ADAM23: variants seen among roughly 807,000 people sequenced by gnomAD.
ADAM23 encodes the protein disintegrin and metalloproteinase domain-containing protein 23.
In ADAM23, 33 loss-of-function variants were observed where a neutral mutation model predicts 120.1. The observed-to-expected ratio is 0.27, with a 90% confidence interval of 0.21 to 0.37. The LOEUF is 0.37. Ranked by LOEUF, ADAM23 falls within the 10% of genes least tolerant of loss-of-function variation. The probability of loss-of-function intolerance (pLI) is 1.00; values close to 1 mark genes in which losing one functional copy is unlikely to be tolerated. For synonymous variants in ADAM23, 367 were observed against 375.2 expected (o/e 0.98, Z 0.25); for missense variants, 862 against 1,058.2 (o/e 0.81, Z 2.57).
At chr2:206,569,996 C>T (rs1481532209) in intron 15 of ADAM23, among the ~76,000 whole-genome samples, 1 of 151,996 alleles carries the variant, frequency 6.6e-6, no homozygotes, top group Non-Finnish European at 1.5e-5. Flanking sequence ...AATCCTGCCC[C>T]CCTCCCCACT....
At chr2:206,531,977 C>T (rs937866848) in intron 4 of ADAM23, among the ~76,000 whole-genome samples, 3 of 152,186 alleles carry the variant, frequency 2.0e-5, no homozygotes, top group African/African-American at 4.8e-5. Context: ...TGTAATTGGA[C>T]GTGTTTTCCA....
intron 15 of ADAM23, 137 bp downstream of exon 15, chr2:206,567,459 C>G: frequency 1.7e-6 from 1 of 590,674 alleles, no homozygotes; most frequent in East Asian, 2.9e-5. Context: ...TATAAAAGTC[C>G]TTATCATGTT....
chr2:206,532,475 A>G (rs1697084701), intron 4 of ADAM23, among the ~76,000 whole-genome samples: 1 of 152,156 alleles, frequency 6.6e-6, no homozygotes, highest in Non-Finnish European at 1.5e-5. Context: ...CTAGCAAAAG[A>G]AATTGTGTTC....
At chr2:206,521,392 T>C (rs111322542) in intron 3 of ADAM23, among the ~76,000 whole-genome samples, 24 of 152,276 alleles carry the variant, frequency 1.6e-4, no homozygotes, top group African/African-American at 5.8e-4. Context: ...GACTCGAAAT[T>C]AGTCCTTAAT....
At chr2:206,611,785 T>C (rs1302611842) in intron 25 of ADAM23, among the ~76,000 whole-genome samples, 1 of 152,222 alleles carries the variant, frequency 6.6e-6, no homozygotes, top group African/African-American at 2.4e-5. Flanking sequence ...GAAAAGCCTT[T>C]ATCACTGTGT....
At chr2:206,598,496 C>A (rs1016530900) in intron 24 of ADAM23, among the ~76,000 whole-genome samples, 2 of 151,962 alleles carry the variant, frequency 1.3e-5, no homozygotes, top group Non-Finnish European at 2.9e-5. Context: ...TGGTAGTATC[C>A]CACACTACCT....
rs1697783784 is a variant in ADAM23, at chr2:206,562,301, C to T, written c.1345+8C>T. ...CTTCTAGCAGAAAGCCAAGTATGTA[C>T]ACTGACCTTCTTACTCATTTTCATG... On this transcript the variant is annotated splice_region_variant and intron_variant, in intron 13 of 25. Transcript: ENST00000264377. 2 of 1,608,120 alleles carry T rather than the reference C, an allele frequency of 1.2e-6. No individual in the cohort carries two copies. Among genetic ancestry groups the T allele is most frequent in the Non-Finnish European group, 1.7e-6 (2 of 1,174,956 alleles).
At chr2:206,467,309 A>G (rs1695561203) in intron 2 of ADAM23, among the ~76,000 whole-genome samples, 1 of 152,196 alleles carries the variant, frequency 6.6e-6, no homozygotes, top group Admixed American at 6.5e-5. Flanking sequence ...CACCTATAAA[A>G]TCAAAACCAA....
chr2:206,590,299 T>TCTCTCAATACCAG (rs1698402178), intron 21 of ADAM23, among the ~76,000 whole-genome samples: 1 of 152,152 alleles, frequency 6.6e-6, no homozygotes, highest in Non-Finnish European at 1.5e-5. Flanking sequence ...GGTTTCACCA[T>TCTCTCAATACCAG]GTTGGCCAGG....
intron 3 of ADAM23, among the ~76,000 whole-genome samples, chr2:206,525,833 G>T (rs1259292497): frequency 6.6e-6 from 1 of 151,864 alleles, no homozygotes; most frequent in East Asian, 1.9e-4. Flanking sequence ...CCTGTGATCC[G>T]CCTGCCTCAG....
At chr2:206,505,078 A>T (rs757276416) in intron 3 of ADAM23, among the ~76,000 whole-genome samples, 1 of 152,194 alleles carries the variant, frequency 6.6e-6, no homozygotes, top group Non-Finnish European at 1.5e-5. Context: ...CAAGTGGCCT[A>T]TAGGGGAAGA....
At chr2:206,537,466 C>T (rs1000814515) in intron 4 of ADAM23, among the ~76,000 whole-genome samples, 6 of 152,022 alleles carry the variant, frequency 3.9e-5, no homozygotes, top group Non-Finnish European at 7.4e-5. Flanking sequence ...AGAGTCTGGC[C>T]GAGGTGCTGT....
chr2:206,518,691 T>C (rs1424699054), intron 3 of ADAM23, among the ~76,000 whole-genome samples: 2 of 152,206 alleles, frequency 1.3e-5, no homozygotes, highest in African/African-American at 4.8e-5. Flanking sequence ...GTTATCAATC[T>C]AATCTGTAGA....
chr2:206,529,134 T>C (rs555977631), intron 3 of ADAM23, among the ~76,000 whole-genome samples: 696 of 152,280 alleles, frequency 4.6e-3, no homozygotes, highest in Middle Eastern at 0.02. Flanking sequence ...AATTAATGTG[T>C]ACCTAATCAG....
At position 206,518,255 on chromosome 2, in the gene ADAM23, T is replaced by C. The variant is rs183111088; in HGVS notation, c.510-12630T>C. Among the ~76,000 whole-genome samples, 5 of 152,326 alleles carry C rather than the reference T, an allele frequency of 3.3e-5. No homozygotes were observed. In the East Asian group the frequency reaches 7.7e-4, roughly 23 times the overall value. On this transcript the variant is annotated intron_variant, in intron 3 of 25. Transcript: ENST00000264377. The stretch of plus-strand genomic sequence containing the variant: ...TTATTTAAAATGATTTCAGGACATA[T>C]ATTTAGAGAATCGAGTGTAAATACT...
intron 24 of ADAM23, among the ~76,000 whole-genome samples, chr2:206,603,058 A>G (rs1698668180): frequency 6.6e-6 from 1 of 152,204 alleles, no homozygotes; most frequent in African/African-American, 2.4e-5. Context: ...CAGGTTTGGT[A>G]GGATGAGAAG....
In ADAM23 at chr2:206,518,640, G is replaced by C. The variant is rs1338675664; in HGVS notation, c.510-12245G>C. 3.3e-5 allele frequency among the ~76,000 whole-genome samples: 5 copies of C among 152,260 alleles called. No homozygotes were observed. In the East Asian group the frequency reaches 9.7e-4, roughly 29 times the overall value. On this transcript the variant is annotated intron_variant, in intron 3 of 25. Transcript: ENST00000264377. The stretch of plus-strand genomic sequence containing the variant: ...TGCAACTGTGGCTTTAGCAGATCTT[G>C]ATCATTAGCTCTCAGATGAATTTCT...
intron 25 of ADAM23, among the ~76,000 whole-genome samples, chr2:206,612,875 T>A (rs1209104506): frequency 6.6e-6 from 1 of 152,228 alleles, no homozygotes; most frequent in Non-Finnish European, 1.5e-5. Flanking sequence ...AAAATAATAC[T>A]GATTTAAATT....
At chr2:206,502,069 TC>T in intron 3 of ADAM23, among the ~76,000 whole-genome samples, 1 of 152,216 alleles carries the variant, frequency 6.6e-6, no homozygotes, top group Middle Eastern at 3.4e-3. Context: ...TGCACTAACT[TC>T]CTTTGCCTTG....
Sources: gnomAD v4.1 joint callset for allele counts (sites outside exome capture counted in the v4.1 genomes callset) on GRCh38, gnomAD v4.1.1 for gene constraint, MANE v1.5 for transcripts, NCBI Gene and HGNC (gene_info 2026-07-23, HGNC 2026-07-21) for gene names.